EPHA6: variants seen among roughly 807,000 people sequenced by gnomAD.
EPHA6 encodes the protein EPH receptor A6.
In EPHA6, 50 loss-of-function variants were observed where a neutral mutation model predicts 112.0. The observed-to-expected ratio is 0.45, with a 90% CI of 0.36 to 0.56. The LOEUF (loss-of-function observed/expected upper bound fraction) is 0.56. EPHA6 is among the 20% of genes least tolerant of loss of function. The pLI is 0.00. For synonymous variants in EPHA6, 529 were observed against 490.7 expected, an observed-to-expected ratio of 1.08 and a Z score of -1.03; for missense variants, 1,280 against 1,417.4, an observed-to-expected ratio of 0.90 and a Z score of 1.56.
intron 3 of EPHA6, among the ~76,000 whole-genome samples, chr3:97,110,005 T>C (rs2047676172): frequency 6.6e-6 from 1 of 152,148 alleles, no homozygotes; most frequent in Non-Finnish European, 1.5e-5. Context: ...GAAATGAGAA[T>C]GAAAAGAGGT....
intron 11 of EPHA6, among the ~76,000 whole-genome samples, chr3:97,581,705 T>C (rs1420756854): frequency 6.6e-6 from 1 of 152,230 alleles, no homozygotes; most frequent in Non-Finnish European, 1.5e-5. Flanking sequence ...CATAAGGTCA[T>C]GCAGCAAGCT....
At chr3:96,883,899 T>G (rs568640244) in intron 2 of EPHA6, among the ~76,000 whole-genome samples, 2 of 152,288 alleles carry the variant, frequency 1.3e-5, no homozygotes, top group South Asian at 2.1e-4. Flanking sequence ...CTTGAACTCC[T>G]GACTTCAGAT....
intron 14 of EPHA6, among the ~76,000 whole-genome samples, chr3:97,676,713 T>A (rs1002277945): frequency 6.6e-6 from 1 of 152,100 alleles, no homozygotes; most frequent in African/African-American, 2.4e-5. Flanking sequence ...GTTGGAATGA[T>A]TGGATTTAGA....
At chr3:96,979,071 T>A (rs973989656) in intron 2 of EPHA6, among the ~76,000 whole-genome samples, 1 of 152,162 alleles carries the variant, frequency 6.6e-6, no homozygotes, top group African/African-American at 2.4e-5. Flanking sequence ...TTCTTTTTTT[T>A]TATACTTTAA....
chr3:97,558,609 A>C (rs1293873251), intron 11 of EPHA6, among the ~76,000 whole-genome samples: 1 of 152,038 alleles, frequency 6.6e-6, no homozygotes, highest in Non-Finnish European at 1.5e-5. Context: ...TGTATAAGGA[A>C]ATATTAATGT....
chr3:97,222,987 A>G (rs1435506339), intron 3 of EPHA6, among the ~76,000 whole-genome samples: 2 of 152,342 alleles, frequency 1.3e-5, no homozygotes, highest in East Asian at 1.9e-4. Context: ...TCGGGGTTAT[A>G]AGGAATTGGC....
chr3:97,455,414 A>G (rs2090650053), intron 7 of EPHA6, among the ~76,000 whole-genome samples: 1 of 152,080 alleles, frequency 6.6e-6, no homozygotes, highest in Non-Finnish European at 1.5e-5. Context: ...AAGCATTGGA[A>G]TGGGGTTATT....
At chr3:97,049,748 C>G (rs895001285) in intron 3 of EPHA6, among the ~76,000 whole-genome samples, 1 of 152,128 alleles carries the variant, frequency 6.6e-6, no homozygotes, top group African/African-American at 2.4e-5. Flanking sequence ...ACTCCTGATG[C>G]AAGGCACAGA....
At chr3:97,016,856 A>G (rs143860187) in intron 3 of EPHA6, among the ~76,000 whole-genome samples, 107 of 152,244 alleles carry the variant, frequency 7.0e-4, no homozygotes, top group African/African-American at 2.5e-3. Flanking sequence ...TTATTTTGCC[A>G]TTTGTTCATG....
intron 3 of EPHA6, among the ~76,000 whole-genome samples, chr3:97,017,392 A>T (rs2107966523): frequency 6.6e-6 from 1 of 152,340 alleles, no homozygotes; most frequent in South Asian, 2.1e-4. Flanking sequence ...AGCTGATGCC[A>T]ACCCTCAGAA....
intron 3 of EPHA6, among the ~76,000 whole-genome samples, chr3:97,020,497 G>A (rs1223735231): frequency 6.6e-6 from 1 of 152,160 alleles, no homozygotes; most frequent in Non-Finnish European, 1.5e-5. Flanking sequence ...CATAGATGAA[G>A]AGTCAAGAAA....
At chr3:97,047,035 C>T (rs1283878024) in intron 3 of EPHA6, among the ~76,000 whole-genome samples, 1 of 151,904 alleles carries the variant, frequency 6.6e-6, no homozygotes, top group Non-Finnish European at 1.5e-5. Context: ...ATAGTATATT[C>T]TTTTAAATAT....
chr3:96,842,594 G>C (rs1195425425), intron 1 of EPHA6, among the ~76,000 whole-genome samples: 1 of 151,952 alleles, frequency 6.6e-6, no homozygotes, highest in Non-Finnish European at 1.5e-5. Flanking sequence ...CTAAATTTCA[G>C]CTTTATGCTG....
chr3:97,742,965 T>C (rs1302150305), intron 16 of EPHA6, among the ~76,000 whole-genome samples: 1 of 152,142 alleles, frequency 6.6e-6, no homozygotes, highest in Non-Finnish European at 1.5e-5. Flanking sequence ...AGCAGCCATA[T>C]TGCATTAAGT....
chr3:97,012,844 C>T (rs761822028), intron 3 of EPHA6, among the ~76,000 whole-genome samples: 4 of 151,896 alleles, frequency 2.6e-5, no homozygotes, highest in Non-Finnish European at 4.4e-5. Context: ...ATTTCTCTCA[C>T]GATTAGTGAT....
intron 14 of EPHA6, among the ~76,000 whole-genome samples, chr3:97,719,563 G>C (rs2034432613): frequency 6.6e-6 from 1 of 152,076 alleles, no homozygotes; most frequent in African/African-American, 2.4e-5. Flanking sequence ...TAAAATTTAA[G>C]TGTAATACAA....
intron 12 of EPHA6, among the ~76,000 whole-genome samples, chr3:97,601,785 T>C (rs1266171132): frequency 6.6e-6 from 1 of 152,132 alleles, no homozygotes; most frequent in Non-Finnish European, 1.5e-5. Flanking sequence ...TTTGCCATTA[T>C]AATTAAAATC....
chr3:96,909,713 C>T (rs906143742), intron 2 of EPHA6, among the ~76,000 whole-genome samples: 2 of 151,782 alleles, frequency 1.3e-5, no homozygotes, highest in Non-Finnish European at 2.9e-5. Flanking sequence ...TTAAGGTGTT[C>T]AGTATATATT....
At chr3:96,893,627 G>A (rs1559807538) in intron 2 of EPHA6, among the ~76,000 whole-genome samples, 1 of 152,154 alleles carries the variant, frequency 6.6e-6, no homozygotes, top group African/African-American at 2.4e-5. Context: ...AGTTGTTAAA[G>A]TATCTGCTCA....
Sources: gnomAD v4.1 joint callset for allele counts (sites outside exome capture counted in the v4.1 genomes callset) on GRCh38, gnomAD v4.1.1 for gene constraint, MANE v1.5 for transcripts, NCBI Gene and HGNC (gene_info 2026-07-23, HGNC 2026-07-21) for gene names.